The following XXYLT1 variants were observed in gnomAD, a reference collection of about 807,000 sequenced individuals.
XXYLT1 encodes the protein UDP-xylose:alpha-xyloside alpha-1,3-xylosyltransferase.
Under a neutral mutation model 28.9 loss-of-function variants are expected in XXYLT1, and 20 were observed. That is an observed-to-expected ratio of 0.69 (90% confidence interval 0.49 to 1.00). The LOEUF (loss-of-function observed/expected upper bound fraction) is 1.00, where lower values mean the gene tolerates loss of function less well. Ranked by LOEUF, XXYLT1 falls within the 50% of genes least tolerant of loss-of-function variation. The pLI, the probability that XXYLT1 is intolerant of heterozygous loss-of-function variation, is 0.00. For synonymous variants in XXYLT1, 257 were observed against 253.8 expected, an observed-to-expected ratio of 1.01 and a Z score of -0.12; for missense variants, 542 against 560.1, an observed-to-expected ratio of 0.97 and a Z score of 0.33.
At chr3:195,126,244 A>G (rs1001800366) in intron 3 of XXYLT1, among the ~76,000 whole-genome samples, 2 of 152,194 alleles carry the variant, frequency 1.3e-5, no homozygotes, top group African/African-American at 4.8e-5. Context: ...AGGCTGCCAG[A>G]CCCAGGCCTG....
chr3:195,240,089 C>G lies in XXYLT1; in HGVS notation c.505-13233G>C, dbSNP rs546446709. ...GCATCTAAATTCAGTAATGACTGAG[C>G]TTTCTTTTCAGGCAAAGGTGTCCTC... On this transcript the variant is annotated intron_variant, in intron 1 of 3. Coordinates refer to ENST00000310380, the MANE Select transcript of XXYLT1 (RefSeq NM_152531.5). The surrounding 1 kb of genome is among the most constrained non-coding windows in gnomAD (Gnocchi z 4.7). Among the ~76,000 whole-genome samples the G allele has an allele frequency of 2.0e-5, 3 of 152,306 alleles. No homozygotes were observed. The highest frequency in any genetic ancestry group is 2.1e-4 in the South Asian group (1 of 4,824).
At chr3:195,163,751 G>A (rs1720983605) in intron 2 of XXYLT1, among the ~76,000 whole-genome samples, 1 of 152,204 alleles carries the variant, frequency 6.6e-6, no homozygotes, top group South Asian at 2.1e-4. Flanking sequence ...GCTGCTCCAT[G>A]AAGTTATCAA....
At chr3:195,162,528 C>A (rs567725967) in intron 2 of XXYLT1, among the ~76,000 whole-genome samples, 1 of 152,318 alleles carries the variant, frequency 6.6e-6, no homozygotes, top group African/African-American at 2.4e-5. Flanking sequence ...TCAGGCCTTA[C>A]TCGCCCCCTC....
chr3:195,212,926 G>A (rs532862000), intron 2 of XXYLT1, among the ~76,000 whole-genome samples: 6 of 152,288 alleles, frequency 3.9e-5, no homozygotes, highest in East Asian at 3.9e-4. Context: ...CCGCGAGGGC[G>A]CTCCACCCAT....
chr3:195,175,884 T>G, intron 2 of XXYLT1: 1 of 1,411,896 alleles, frequency 7.1e-7, no homozygotes, highest in Non-Finnish European at 9.2e-7. Context: ...GTGTGACATT[T>G]GTGTGGGAAA....
At chr3:195,216,116 G>A (rs547915219) in intron 2 of XXYLT1, among the ~76,000 whole-genome samples, 2 of 152,072 alleles carry the variant, frequency 1.3e-5, no homozygotes, top group Non-Finnish European at 2.9e-5. Flanking sequence ...GATGTTCTTT[G>A]AAACCAACGA....
chr3:195,167,652 T>C (rs889175045), intron 2 of XXYLT1, among the ~76,000 whole-genome samples: 4 of 152,308 alleles, frequency 2.6e-5, no homozygotes, highest in African/African-American at 9.6e-5. Context: ...CTTCACTCCT[T>C]CTACATTTAT....
At chr3:195,107,213 C>T (rs1003715042) in intron 3 of XXYLT1, among the ~76,000 whole-genome samples, 1 of 151,936 alleles carries the variant, frequency 6.6e-6, no homozygotes, top group East Asian at 2.0e-4. Context: ...GTGGCTCACG[C>T]CTGGAATCCC....
At chr3:195,163,957 C>T (rs1365664440) in intron 2 of XXYLT1, among the ~76,000 whole-genome samples, 1 of 152,256 alleles carries the variant, frequency 6.6e-6, no homozygotes, top group Non-Finnish European at 1.5e-5. Flanking sequence ...AGCATCCTTC[C>T]TGGAAGTCTT....
chr3:195,208,450 C>T (rs1723168898), intron 2 of XXYLT1, among the ~76,000 whole-genome samples: 1 of 152,116 alleles, frequency 6.6e-6, no homozygotes, highest in African/African-American at 2.4e-5. Context: ...CATGGTCCCA[C>T]CTGCTCTGGT....
chr3:195,234,638 A>T (rs1724456472), intron 1 of XXYLT1, among the ~76,000 whole-genome samples: 1 of 151,976 alleles, frequency 6.6e-6, no homozygotes, highest in African/African-American at 2.4e-5. Flanking sequence ...TTTTTGCCAT[A>T]TATGCTATTT....
At chr3:195,143,575 C>T (rs1719600958) in intron 3 of XXYLT1, among the ~76,000 whole-genome samples, 1 of 151,880 alleles carries the variant, frequency 6.6e-6, no homozygotes, top group Non-Finnish European at 1.5e-5. Context: ...GGTTTTCAAT[C>T]AACTGCTTTC....
intron 3 of XXYLT1, among the ~76,000 whole-genome samples, chr3:195,085,505 G>T (rs73056504): frequency 0.044 from 6,775 of 152,258 alleles, 232 homozygotes; most frequent in East Asian, 0.2. Context: ...GCGGTGGGAG[G>T]GGGGAGTCCA....
Position 195,156,450 on chromosome 3 carries a change from T to C in XXYLT1, c.784A>G (p.Arg262Gly). Residue 262 changes from arginine to glycine, a missense_variant and splice_region_variant, in exon 3 of 4, where the codon AGG becomes GGG. By Grantham distance (125) the Arg-to-Gly change is moderately radical. Transcript: ENST00000310380. ...GIAREMQPVY[R>G]HTFWQFRHEN... ...GGCCCCCCTGCAGTCATGACGCACCTGTAAACTGGCTGCATCTCCCGGGCT... is the reference window on the plus strand; with the variant it reads ...GGCCCCCCTGCAGTCATGACGCACCCGTAAACTGGCTGCATCTCCCGGGCT... 1 of 1,613,848 alleles carries C rather than the reference T, an allele frequency of 6.2e-7. No individual in the cohort carries two copies. The highest frequency in any genetic ancestry group is 8.5e-7 in the Non-Finnish European group (1 of 1,179,932).
intron 2 of XXYLT1, among the ~76,000 whole-genome samples, chr3:195,218,403 G>A (rs1249043295): frequency 3.8e-4 from 58 of 152,176 alleles, no homozygotes; most frequent in Non-Finnish European, 3.1e-4. Flanking sequence ...GAAAATTTTC[G>A]CAACCAACTC....
At chr3:195,134,102 A>C (rs959309896) in intron 3 of XXYLT1, among the ~76,000 whole-genome samples, 3 of 152,216 alleles carry the variant, frequency 2.0e-5, no homozygotes, top group African/African-American at 7.2e-5. Context: ...ACAGCTGTAC[A>C]ATATATTTGT....
chr3:195,223,387 G>T (rs1723913750), intron 2 of XXYLT1, among the ~76,000 whole-genome samples: 1 of 152,200 alleles, frequency 6.6e-6, no homozygotes, highest in Non-Finnish European at 1.5e-5. Context: ...ACTCAGAGGA[G>T]CACAGGCTTT....
chr3:195,251,431 G>A (rs989148151), intron 1 of XXYLT1, among the ~76,000 whole-genome samples: 3 of 152,168 alleles, frequency 2.0e-5, no homozygotes, highest in African/African-American at 4.8e-5. Flanking sequence ...CCAGGCCCCC[G>A]GCCCTTCTCA....
At chr3:195,162,044 G>A (rs62285231) in intron 2 of XXYLT1, among the ~76,000 whole-genome samples, 20,682 of 150,636 alleles carry the variant, frequency 0.14, 1,737 homozygotes, top group East Asian at 0.41. Context: ...AGCTGTGTTC[G>A]CACCACTGCA....
Sources: allele counts gnomAD v4.1 joint callset (sites outside exome capture counted in the v4.1 genomes callset), GRCh38; gene constraint gnomAD v4.1.1; non-coding constraint Gnocchi (gnomAD v3.1); transcripts MANE v1.5; gene names NCBI Gene and HGNC (gene_info 2026-07-23, HGNC 2026-07-21).